Variants in GLCCI1 observed in about 807,000 individuals in gnomAD.
The protein encoded by GLCCI1 is glucocorticoid induced 1.
GLCCI1 carries 24 observed loss-of-function variants against 52.2 expected under a neutral mutation model. The observed-to-expected ratio is 0.46, with a 90% confidence interval of 0.33 to 0.65. The LOEUF (loss-of-function observed/expected upper bound fraction) is 0.65, where lower values mean the gene tolerates loss of function less well. Ranked by LOEUF, GLCCI1 falls within the 30% of genes least tolerant of loss-of-function variation. The probability of loss-of-function intolerance (pLI) is 0.02; values close to 1 mark genes in which losing one functional copy is unlikely to be tolerated. For missense variants in GLCCI1, 704 were observed against 701.5 expected, an observed-to-expected ratio of 1.00 and a Z score of -0.04; for synonymous variants, 310 against 276.5, an observed-to-expected ratio of 1.12 and a Z score of -1.20.
chr7:8,027,355 G>A (rs1226957231), intron 3 of GLCCI1, among the ~76,000 whole-genome samples: 1 of 152,158 alleles, frequency 6.6e-6, no homozygotes, highest in Non-Finnish European at 1.5e-5. Flanking sequence ...GGTTGTCGTG[G>A]CACACACCTG....
intron 1 of GLCCI1, among the ~76,000 whole-genome samples, chr7:7,976,057 A>G (rs551010875): frequency 1.2e-4 from 19 of 152,352 alleles, no homozygotes; most frequent in African/African-American, 4.3e-4. Flanking sequence ...AGGTTGATTC[A>G]GCCCTCCCAA....
At chr7:8,058,941 A>G (rs1782457523) in intron 4 of GLCCI1, among the ~76,000 whole-genome samples, 1 of 152,194 alleles carries the variant, frequency 6.6e-6, no homozygotes, top group Admixed American at 6.5e-5. Context: ...AACCTAGAGA[A>G]AAGAAATGGT....
chr7:7,977,087 T>G (rs1291822957), intron 1 of GLCCI1, among the ~76,000 whole-genome samples: 2 of 152,166 alleles, frequency 1.3e-5, no homozygotes, highest in East Asian at 3.8e-4. Context: ...TAAAGAAAAC[T>G]TTTGTGAATA....
intron 1 of GLCCI1, chr7:7,982,040 A>C: frequency 2.2e-6 from 1 of 457,976 alleles, no homozygotes; most frequent in Non-Finnish European, 4.3e-6. Flanking sequence ...CTGTTGGGAG[A>C]AATGAAAGAG....
chr7:8,029,995 A>G (rs573737332), intron 3 of GLCCI1, among the ~76,000 whole-genome samples: 26 of 152,312 alleles, frequency 1.7e-4, no homozygotes, highest in South Asian at 4.1e-4. Flanking sequence ...CTTAGATTCA[A>G]TGCAATTCCT....
At chr7:7,974,012 A>G in intron 1 of GLCCI1, among the ~76,000 whole-genome samples, 1 of 152,044 alleles carries the variant, frequency 6.6e-6, no homozygotes, top group East Asian at 1.9e-4. Flanking sequence ...TTTAAAATTA[A>G]TTAATTTTCC....
intron 1 of GLCCI1, among the ~76,000 whole-genome samples, chr7:7,971,096 C>A (rs1246125918): frequency 6.6e-6 from 1 of 152,148 alleles, no homozygotes; most frequent in Admixed American, 6.5e-5. Context: ...GATGGTGAAC[C>A]AGTGTAGGAT....
intron 2 of GLCCI1, among the ~76,000 whole-genome samples, chr7:8,008,889 C>T (rs1425652581): frequency 3.3e-5 from 5 of 151,628 alleles, no homozygotes; most frequent in South Asian, 2.1e-4. Flanking sequence ...TATGGGCCTT[C>T]ACTGAACAGT....
At chr7:7,988,709 A>C (rs769776669) in intron 1 of GLCCI1, among the ~76,000 whole-genome samples, 1 of 152,130 alleles carries the variant, frequency 6.6e-6, no homozygotes, top group Non-Finnish European at 1.5e-5. Context: ...GTCACTTTAA[A>C]ATTTGGACAG....
intron 3 of GLCCI1, among the ~76,000 whole-genome samples, chr7:8,048,466 T>C (rs34783749): frequency 0.018 from 2,772 of 152,234 alleles, 43 homozygotes; most frequent in East Asian, 0.088. Flanking sequence ...AGATTTATTC[T>C]AATGCAGCAG....
chr7:8,007,774 T>C (rs1583966690), intron 2 of GLCCI1, among the ~76,000 whole-genome samples: 1 of 120,294 alleles, frequency 8.3e-6, no homozygotes, highest in South Asian at 2.9e-4. Context: ...TATATTTCTG[T>C]TTCAACTACC....
chr7:8,003,749 G>C (rs1299909022), intron 1 of GLCCI1, 159 bp from the exon 2 acceptor site: 1 of 582,228 alleles, frequency 1.7e-6, no homozygotes, highest in Non-Finnish European at 2.9e-6. Flanking sequence ...CTTGGGACAT[G>C]GTTCATACAT....
intron 2 of GLCCI1, among the ~76,000 whole-genome samples, chr7:8,014,821 A>G (rs1781343575): frequency 6.6e-6 from 1 of 152,220 alleles, no homozygotes; most frequent in Admixed American, 6.5e-5. Context: ...TGGGATGGTT[A>G]GATCTTAAAT....
At chr7:8,011,973 G>A (rs893074786) in intron 2 of GLCCI1, among the ~76,000 whole-genome samples, 3 of 151,750 alleles carry the variant, frequency 2.0e-5, no homozygotes, top group East Asian at 1.9e-4. Context: ...ACGCCACCAC[G>A]CCCAGCTAAT....
At position 7,969,511 on chromosome 7, in the gene GLCCI1, C is replaced by T; in HGVS notation, c.161C>T (p.Ala54Val). 3.0e-6 allele frequency: 3 copies of T among 998,432 alleles called. No homozygotes were observed. The highest frequency in any genetic ancestry group is 3.6e-6 in the Non-Finnish European group (3 of 840,344). 61.8% of individuals were successfully genotyped at this position (998,432 alleles called of 1,614,324 possible). A position where few individuals can be genotyped will look rare whatever the true frequency, so the allele number is the denominator to read the frequency against. The change falls in exon 1 of 8, where the codon GCT becomes GTT. Residue 54 changes from alanine (A) to valine (V), a missense_variant. Ala to Val is a moderately conservative substitution (Grantham distance 64). This residue lies in a region of GLCCI1 where 547 missense variants were observed against 524.8 expected (regional missense o/e 1.04). Transcript: ENST00000223145. The surrounding 1 kb of genome is among the most constrained non-coding windows in gnomAD (Gnocchi z 4.9). ...GGCGGCGGCGTGGGCTGCGCCCCGG[C>T]TGCGGGAGCCGGCCGGCTGCTGCAG... ...GGGGGVGCAP[A>V]AGAGRLLQPI...
At chr7:8,075,899 T>A (rs534001489) in intron 6 of GLCCI1, among the ~76,000 whole-genome samples, 1 of 152,282 alleles carries the variant, frequency 6.6e-6, no homozygotes, top group African/African-American at 2.4e-5. Flanking sequence ...ATTTAACTCA[T>A]TCTGTGATTT....
intron 5 of GLCCI1, among the ~76,000 whole-genome samples, chr7:8,067,107 G>A (rs1001122594): frequency 6.6e-6 from 1 of 152,200 alleles, no homozygotes. Flanking sequence ...AGGTCTTCCT[G>A]TTGCATTGAA....
intron 2 of GLCCI1, among the ~76,000 whole-genome samples, chr7:8,006,478 C>T (rs1271503928): frequency 2.6e-5 from 4 of 152,070 alleles, no homozygotes; most frequent in African/African-American, 9.7e-5. Context: ...CATAATATTA[C>T]TGTGTGATTA....
At chr7:7,982,585 A>T in intron 1 of GLCCI1, among the ~76,000 whole-genome samples, 1 of 152,228 alleles carries the variant, frequency 6.6e-6, no homozygotes, top group East Asian at 1.9e-4. Flanking sequence ...CTCATCAGCC[A>T]GCTTAAGATC....
Sources: gnomAD v4.1 joint callset for allele counts (sites outside exome capture counted in the v4.1 genomes callset) on GRCh38, gnomAD v4.1.1 for gene constraint, gnomAD v4.1.1 regional missense constraint, Gnocchi (gnomAD v3.1) non-coding constraint, MANE v1.5 for transcripts, NCBI Gene and HGNC (gene_info 2026-07-23, HGNC 2026-07-21) for gene names.